Variants in WNK2 observed in about 807,000 individuals in gnomAD.
The protein encoded by WNK2 is WNK lysine deficient protein kinase 2, also known as serine/threonine-protein kinase WNK2.
WNK2 carries 67 observed loss-of-function variants against 192.1 expected under a neutral mutation model. The ratio of observed to expected loss-of-function variants is 0.35; its 90% CI spans 0.29 to 0.43. The LOEUF (loss-of-function observed/expected upper bound fraction) is 0.43, where lower values mean the gene tolerates loss of function less well. Ranked by LOEUF, WNK2 falls within the 20% of genes least tolerant of loss-of-function variation. WNK2 has a pLI of 1.00. For missense variants in WNK2, 2,698 were observed against 3,089.7 expected, an observed-to-expected ratio of 0.87 and a Z score of 3.01; for synonymous variants, 1,439 against 1,393.9, an observed-to-expected ratio of 1.03 and a Z score of -0.72.
At chr9:93,314,024 A>C (rs1458302692) in intron 28 of WNK2, among the ~76,000 whole-genome samples, 1 of 151,998 alleles carries the variant, frequency 6.6e-6, no homozygotes, top group Admixed American at 6.6e-5. Context: ...TAATCCCAGC[A>C]CTTTGGGAGG....
chr9:93,218,580 T>C (rs1836208217), intron 2 of WNK2, among the ~76,000 whole-genome samples: 1 of 152,322 alleles, frequency 6.6e-6, no homozygotes, highest in African/African-American at 2.4e-5. Flanking sequence ...GGCCCCATTT[T>C]CATTTCATCC....
intron 5 of WNK2, among the ~76,000 whole-genome samples, chr9:93,236,747 G>A (rs1378336618): frequency 6.6e-6 from 1 of 152,252 alleles, no homozygotes; most frequent in African/African-American, 2.4e-5. Flanking sequence ...CTGGCCCTTG[G>A]CCAGCAGCAG....
intron 19 of WNK2, among the ~76,000 whole-genome samples, chr9:93,272,586 A>G (rs888695833): frequency 5.9e-5 from 9 of 152,196 alleles, no homozygotes; most frequent in Middle Eastern, 3.4e-3. Context: ...TAAAAATACA[A>G]AATTAACTGG....
At chr9:93,192,288 G>A (rs760638869) in intron 2 of WNK2, among the ~76,000 whole-genome samples, 4 of 152,016 alleles carry the variant, frequency 2.6e-5, no homozygotes, top group African/African-American at 9.7e-5. Flanking sequence ...ACTCCAGCCC[G>A]GCGACAGAGC....
intron 24 of WNK2, 80 bp from the exon 25 acceptor site, chr9:93,298,990 C>T: frequency 7.0e-7 from 1 of 1,424,724 alleles, no homozygotes; most frequent in Admixed American, 2.3e-5. Context: ...CAGCAATAAG[C>T]AGGCAGAACA....
chr9:93,243,959 C>T (rs1841230180), intron 7 of WNK2, among the ~76,000 whole-genome samples: 1 of 152,240 alleles, frequency 6.6e-6, no homozygotes, highest in South Asian at 2.1e-4. Flanking sequence ...AGGCCGGGTG[C>T]AGTCACTCAT....
chr9:93,263,425 T>TC, intron 14 of WNK2, 141 bp from the exon 15 acceptor site: 2 of 931,420 alleles, frequency 2.1e-6, no homozygotes, highest in Non-Finnish European at 3.0e-6. Flanking sequence ...CTTGGGGTAT[T>TC]CGCACAGGAC....
intron 2 of WNK2, among the ~76,000 whole-genome samples, chr9:93,212,002 C>T (rs1255000100): frequency 1.3e-5 from 2 of 152,116 alleles, no homozygotes; most frequent in African/African-American, 4.8e-5. Context: ...CATTCACGCA[C>T]TCATTCACAC....
chr9:93,209,286 A>G (rs373836537), intron 2 of WNK2, among the ~76,000 whole-genome samples: 1 of 152,098 alleles, frequency 6.6e-6, no homozygotes, highest in Non-Finnish European at 1.5e-5. Context: ...CTCAAGGCAC[A>G]CTGGCGCAAG....
chr9:93,188,600 A>G (rs1271598595), intron 2 of WNK2, among the ~76,000 whole-genome samples: 6 of 152,252 alleles, frequency 3.9e-5, no homozygotes, highest in African/African-American at 1.4e-4. Flanking sequence ...GTAAAACACC[A>G]GAATCCCACC....
At chr9:93,261,749 G>C (rs1015315448) in intron 12 of WNK2, 65 bp from the exon 13 acceptor site, 12 of 1,528,210 alleles carry the variant, frequency 7.9e-6, no homozygotes, top group African/African-American at 1.4e-5. Context: ...AGACACACCT[G>C]GGCACGGCCC....
At chr9:93,245,006 A>ACC (rs1841439119) in intron 7 of WNK2, among the ~76,000 whole-genome samples, 1 of 151,764 alleles carries the variant, frequency 6.6e-6, no homozygotes, top group Non-Finnish European at 1.5e-5. Context: ...CTTCTGTCCC[A>ACC]CCTCACTGGT....
At position 93,227,262 on chromosome 9, in the gene WNK2, C is replaced by T. The variant is rs573458381; in HGVS notation, c.682-2434C>T. 1.4e-3 allele frequency among the ~76,000 whole-genome samples: 215 copies of T among 151,602 alleles called. 3 individuals carry two copies. The highest frequency in any genetic ancestry group is 4.8e-3 in the African/African-American group (198 of 41,302). On this transcript the variant is annotated intron_variant, in intron 2 of 29. Transcript: ENST00000427277. ...CCGAGTAGCTGGGACTACAGGCGCC[C>T]GCCACCACGCCCAGCTAATTTTTTG... is the stretch of plus-strand genomic sequence containing the variant.
At chr9:93,306,914 G>T (rs1043126101) in intron 27 of WNK2, 93 bp downstream of exon 27, 2 of 1,515,286 alleles carry the variant, frequency 1.3e-6, no homozygotes, top group African/African-American at 2.7e-5. Context: ...CCGGGCGGGC[G>T]TGGGCCTGCC....
intron 3 of WNK2, 52 bp from the exon 4 acceptor site, chr9:93,230,836 G>T: frequency 6.5e-7 from 1 of 1,545,472 alleles, no homozygotes. Flanking sequence ...GCTTTGCTAG[G>T]GGGCCGCTGC....
At position 93,239,808 on chromosome 9, in the gene WNK2, C is replaced by T. The variant is rs370646709; in HGVS notation, c.1374C>T (p.Gly458=). Residue 458 remains glycine, a synonymous_variant, in exon 7 of 30, where the codon GGC becomes GGT. Coordinates refer to ENST00000427277, the MANE Select transcript of WNK2 (RefSeq NM_006648.4). The surrounding 1 kb of genome is among the most constrained non-coding windows in gnomAD (Gnocchi z 4.2). ...ACGCCTTCTTCGCAGAGGACACAGG[C>T]GTGAGGGTGGAGCTCGCGGAGGAGG... is the stretch of plus-strand genomic sequence containing the variant. ...LSHAFFAEDT[G]VRVELAEEDH... 1.8e-5 allele frequency: 28 copies of T among 1,578,516 alleles called. No individual in the cohort carries two copies. Among genetic ancestry groups the T allele is most frequent in the African/African-American group, 6.7e-5 (5 of 74,084 alleles).
At chr9:93,258,832 C>G in intron 11 of WNK2, 99 bp from the exon 12 acceptor site, 1 of 1,047,866 alleles carries the variant, frequency 9.5e-7, no homozygotes, top group East Asian at 2.5e-5. Flanking sequence ...CATCCCGTGT[C>G]CCCTCGTCCC....
intron 4 of WNK2, among the ~76,000 whole-genome samples, chr9:93,233,214 A>T (rs2132097737): frequency 6.6e-6 from 1 of 151,750 alleles, no homozygotes; most frequent in African/African-American, 2.4e-5. Context: ...AAAAAAAAAA[A>T]AAATTGCTAG....
chr9:93,263,507 G>T, intron 14 of WNK2, 59 bp from the exon 15 acceptor site: 2 of 1,580,836 alleles, frequency 1.3e-6, no homozygotes, highest in East Asian at 2.3e-5. Context: ...GACTTTCCCC[G>T]CCATTGCCGA....
Sources: gnomAD v4.1 joint callset for allele counts (sites outside exome capture counted in the v4.1 genomes callset) on GRCh38, gnomAD v4.1.1 for gene constraint, Gnocchi (gnomAD v3.1) non-coding constraint, MANE v1.5 for transcripts, NCBI Gene and HGNC (gene_info 2026-07-23, HGNC 2026-07-21) for gene names.